The following BMPR1B variants were observed in gnomAD, a reference collection of about 807,000 sequenced individuals.
BMPR1B encodes the protein bone morphogenetic protein receptor type 1B, also known as bone morphogenetic protein receptor type-1B.
BMPR1B carries 12 observed loss-of-function variants against 59.1 expected under a neutral mutation model. The ratio of observed to expected loss-of-function variants is 0.20; its 90% CI spans 0.13 to 0.33. The LOEUF (loss-of-function observed/expected upper bound fraction) is 0.33, where lower values mean the gene tolerates loss of function less well. Ranked by LOEUF, BMPR1B falls within the 10% of genes least tolerant of loss-of-function variation. BMPR1B has a pLI of 1.00. For synonymous variants in BMPR1B, 237 were observed against 207.3 expected, an observed-to-expected ratio of 1.14 and a Z score of -1.23; for missense variants, 550 against 610.9, an observed-to-expected ratio of 0.90 and a Z score of 1.05.
chr4:95,107,224 A>G (rs2149268628), intron 4 of BMPR1B, among the ~76,000 whole-genome samples: 1 of 152,182 alleles, frequency 6.6e-6, no homozygotes, highest in African/African-American at 2.4e-5. Flanking sequence ...AGCAGTGAGT[A>G]TGGTGTCACT....
chr4:94,767,023 G>A (rs756525309), intron 1 of BMPR1B, among the ~76,000 whole-genome samples: 1 of 152,080 alleles, frequency 6.6e-6, no homozygotes, highest in Admixed American at 6.5e-5. Context: ...AAAAGACCTG[G>A]AGTAGGTGAC....
chr4:95,048,677 C>T (rs1024994961), intron 3 of BMPR1B, among the ~76,000 whole-genome samples: 10 of 152,156 alleles, frequency 6.6e-5, no homozygotes, highest in African/African-American at 2.4e-4. Context: ...ATTGTGAAAC[C>T]AGTTCTTGAC....
intron 3 of BMPR1B, among the ~76,000 whole-genome samples, chr4:95,086,157 G>A (rs1020648588): frequency 6.6e-6 from 1 of 152,086 alleles, no homozygotes. Flanking sequence ...CATTTTATTG[G>A]TGGAAAGATT....
intron 1 of BMPR1B, among the ~76,000 whole-genome samples, chr4:94,826,064 T>G (rs1251420614): frequency 6.6e-6 from 1 of 152,192 alleles, no homozygotes; most frequent in Non-Finnish European, 1.5e-5. Flanking sequence ...TAAAATCATT[T>G]CCTCAAAAAT....
At chr4:95,093,294 T>G (rs1730128770) in intron 3 of BMPR1B, among the ~76,000 whole-genome samples, 1 of 152,098 alleles carries the variant, frequency 6.6e-6, no homozygotes, top group Admixed American at 6.6e-5. Flanking sequence ...AACATTTTGA[T>G]TGAGTTTCTC....
At chr4:95,042,005 A>T (rs186168019) in intron 3 of BMPR1B, among the ~76,000 whole-genome samples, 155 of 152,136 alleles carry the variant, frequency 1.0e-3, no homozygotes, top group African/African-American at 3.5e-3. Flanking sequence ...CATAGGCGCC[A>T]GCCACCACGC....
At chr4:94,836,899 G>A (rs1340553853) in intron 1 of BMPR1B, among the ~76,000 whole-genome samples, 12 of 149,930 alleles carry the variant, frequency 8.0e-5, no homozygotes, top group African/African-American at 2.5e-4. Flanking sequence ...TAGGTCTGAC[G>A]TTTAAATCTT....
chr4:94,945,921 A>G (rs1729694062), intron 2 of BMPR1B, among the ~76,000 whole-genome samples: 1 of 152,140 alleles, frequency 6.6e-6, no homozygotes, highest in Non-Finnish European at 1.5e-5. Context: ...TATACCTTCC[A>G]TGTGTCTGTT....
At position 94,930,828 on chromosome 4, in the gene BMPR1B, A is replaced by G. The variant is rs143888892; in HGVS notation, c.-113+54928A>G. ...AGAAATATGCAAAAATTTTCAAGGCATCCAACCATGTTTCTTTGAAATGAG... is the reference window on the plus strand; with the variant it reads ...AGAAATATGCAAAAATTTTCAAGGCGTCCAACCATGTTTCTTTGAAATGAG... On this transcript the variant is annotated intron_variant, in intron 2 of 12. Transcript: ENST00000515059. Among the ~76,000 whole-genome samples, 44 of 152,306 alleles carry G rather than the reference A, an allele frequency of 2.9e-4. No individual in the cohort carries two copies. In the East Asian group the frequency reaches 8.1e-3, roughly 28 times the overall value.
intron 1 of BMPR1B, among the ~76,000 whole-genome samples, chr4:94,810,056 G>A (rs977294819): frequency 1.3e-5 from 2 of 152,136 alleles, no homozygotes; most frequent in Non-Finnish European, 2.9e-5. Flanking sequence ...GATCCAAATG[G>A]CACAGTCCTT....
At chr4:94,848,627 GAA>G (rs70946557) in intron 1 of BMPR1B, among the ~76,000 whole-genome samples, 92,937 of 151,626 alleles carry the variant, frequency 0.61, 29,470 homozygotes, top group African/African-American at 0.78. Context: ...TAGTGACATG[GAA>G]AGTCATTGGA....
At chr4:94,965,848 A>G (rs552633545) in intron 2 of BMPR1B, among the ~76,000 whole-genome samples, 1 of 152,298 alleles carries the variant, frequency 6.6e-6, no homozygotes, top group South Asian at 2.1e-4. Context: ...AAGGCACTCA[A>G]CAGCTCTGAT....
intron 3 of BMPR1B, among the ~76,000 whole-genome samples, chr4:95,036,908 C>T (rs571429257): frequency 6.6e-6 from 1 of 152,162 alleles, no homozygotes; most frequent in Non-Finnish European, 1.5e-5. Context: ...CCCAGTTTTG[C>T]TGCCCACGTT....
intron 1 of BMPR1B, among the ~76,000 whole-genome samples, chr4:94,789,066 G>C (rs1722864459): frequency 1.3e-5 from 2 of 152,204 alleles, no homozygotes; most frequent in Admixed American, 6.5e-5. Context: ...TGGATTGGCT[G>C]TGTCTTAGAA....
At position 95,158,023 on chromosome 4, in the gene BMPR1B, T is replaced by C. The variant is rs548853038; in HGVS notation, c.*3350T>C. 9.8e-5 allele frequency: 15 copies of C among 152,322 alleles called. No homozygotes were observed. Among genetic ancestry groups the C allele is most frequent in the African/African-American group, 3.6e-4 (15 of 41,572 alleles). 9.4% of individuals were successfully genotyped at this position (152,322 alleles called of 1,614,324 possible). On this transcript the variant is annotated 3_prime_UTR_variant, in exon 13 of 13. Coordinates refer to ENST00000515059, the MANE Select transcript of BMPR1B (RefSeq NM_001203.3). ...TACATATTCATTAGAAGTTTTATGT[T>C]GTTGGTCTGATCTGATTCTTCTTTG...
chr4:94,985,483 C>T (rs1053222791), intron 2 of BMPR1B, among the ~76,000 whole-genome samples: 10 of 149,664 alleles, frequency 6.7e-5, no homozygotes, highest in Non-Finnish European at 1.2e-4. Flanking sequence ...TGCCATTAAC[C>T]AACACCAGAG....
intron 3 of BMPR1B, among the ~76,000 whole-genome samples, chr4:95,041,730 A>T (rs774229932): frequency 6.6e-6 from 1 of 151,678 alleles, no homozygotes; most frequent in Non-Finnish European, 1.5e-5. Context: ...CTTTTATCTT[A>T]GGCATACACA....
chr4:94,980,823 TAC>T (rs1444165625), intron 2 of BMPR1B, among the ~76,000 whole-genome samples: 1 of 152,166 alleles, frequency 6.6e-6, no homozygotes, highest in African/African-American at 2.4e-5. Context: ...AGGTACTTAA[TAC>T]AAGTTGAGAA....
At chr4:95,008,331 T>C (rs189814730) in intron 3 of BMPR1B, among the ~76,000 whole-genome samples, 82 of 152,266 alleles carry the variant, frequency 5.4e-4, no homozygotes, top group African/African-American at 1.7e-3. Context: ...TTTCCTTCTC[T>C]CTCCATCTGT....
Sources: gnomAD v4.1 joint callset for allele counts (sites outside exome capture counted in the v4.1 genomes callset) on GRCh38, gnomAD v4.1.1 for gene constraint, MANE v1.5 for transcripts, NCBI Gene and HGNC (gene_info 2026-07-23, HGNC 2026-07-21) for gene names.